Variants in CNTN5 observed in about 807,000 individuals in gnomAD.
CNTN5 encodes the protein contactin-5.
A neutral mutation model predicts 129.1 loss-of-function variants in CNTN5; 77 were observed. That is an observed-to-expected ratio of 0.60 (90% CI 0.50 to 0.72). CNTN5 has a LOEUF of 0.72. Among genes scored for constraint, CNTN5 ranks in the 30% least tolerant of loss-of-function variants. The probability of loss-of-function intolerance (pLI) is 0.00; values close to 1 mark genes in which losing one functional copy is unlikely to be tolerated. For missense variants in CNTN5, 1,478 were observed against 1,328.8 expected (o/e 1.11, Z -1.75); for synonymous variants, 509 against 465.6 (o/e 1.09, Z -1.20).
chr11:99,333,863 A>G (rs1866104888), intron 2 of CNTN5, among the ~76,000 whole-genome samples: 1 of 151,880 alleles, frequency 6.6e-6, no homozygotes, highest in South Asian at 2.1e-4. Flanking sequence ...TTGTCATATT[A>G]TTGTCCTCAT....
intron 9 of CNTN5, among the ~76,000 whole-genome samples, chr11:100,016,056 C>G: frequency 6.6e-6 from 1 of 152,050 alleles, no homozygotes. Flanking sequence ...AGAAAACTTT[C>G]TCTTATGTCT....
chr11:99,905,544 C>T (rs978741292), intron 6 of CNTN5, among the ~76,000 whole-genome samples: 3 of 152,080 alleles, frequency 2.0e-5, no homozygotes, highest in Non-Finnish European at 4.4e-5. Flanking sequence ...TTACTGTAGC[C>T]TTGTAGTATA....
chr11:99,447,056 G>A (rs887878690), intron 2 of CNTN5, among the ~76,000 whole-genome samples: 1 of 152,146 alleles, frequency 6.6e-6, no homozygotes, highest in Non-Finnish European at 1.5e-5. Context: ...TGTAACAAAG[G>A]GAGAAGACTT....
chr11:100,100,297 A>G (rs964233947), intron 13 of CNTN5, among the ~76,000 whole-genome samples: 4 of 152,118 alleles, frequency 2.6e-5, no homozygotes, highest in African/African-American at 9.7e-5. Flanking sequence ...CCAGAAAAAT[A>G]CCAAACACAT....
chr11:100,346,428 T>C (rs1240961052), intron 23 of CNTN5, among the ~76,000 whole-genome samples: 3 of 152,130 alleles, frequency 2.0e-5, no homozygotes, highest in East Asian at 1.9e-4. Context: ...CTCCACCTTA[T>C]TTTCTTCACA....
intron 8 of CNTN5, among the ~76,000 whole-genome samples, chr11:99,961,239 T>A (rs1044544534): frequency 6.9e-6 from 1 of 145,032 alleles, no homozygotes; most frequent in Admixed American, 6.9e-5. Flanking sequence ...TAGAATATAG[T>A]GTCAAGGAAG....
intron 3 of CNTN5, among the ~76,000 whole-genome samples, chr11:99,598,820 A>T (rs1256137375): frequency 5.9e-5 from 9 of 152,030 alleles, no homozygotes; most frequent in African/African-American, 1.7e-4. Flanking sequence ...GGAATAATTT[A>T]TATTTTAATA....
intron 1 of CNTN5, among the ~76,000 whole-genome samples, chr11:99,209,197 A>G (rs1859639617): frequency 6.6e-6 from 1 of 152,164 alleles, no homozygotes; most frequent in Non-Finnish European, 1.5e-5. Context: ...AACTATGTAC[A>G]TTGAAGAAAC....
At chr11:99,591,822 G>T (rs1480257231) in intron 3 of CNTN5, among the ~76,000 whole-genome samples, 1 of 152,110 alleles carries the variant, frequency 6.6e-6, no homozygotes, top group Non-Finnish European at 1.5e-5. Context: ...CCAAACATTT[G>T]CAGGAAAATG....
At chr11:100,195,862 TCCCTTCTG>T (rs1209089493) in intron 15 of CNTN5, among the ~76,000 whole-genome samples, 1 of 151,992 alleles carries the variant, frequency 6.6e-6, no homozygotes, top group Non-Finnish European at 1.5e-5. Context: ...ACATTCTGTT[TCCCTTCTG>T]CCCTTCTCAT....
intron 2 of CNTN5, among the ~76,000 whole-genome samples, chr11:99,435,901 T>A (rs1943580645): frequency 6.6e-6 from 1 of 152,202 alleles, no homozygotes; most frequent in Non-Finnish European, 1.5e-5. Flanking sequence ...CAAATTGTAG[T>A]TCTGGTCTGT....
chr11:99,290,572 T>C (rs191302527), intron 1 of CNTN5, among the ~76,000 whole-genome samples: 1 of 151,960 alleles, frequency 6.6e-6, no homozygotes, highest in East Asian at 1.9e-4. Context: ...ATTATTCCTT[T>C]GTTAGAGCTG....
chr11:99,368,495 T>C (rs895447156), intron 2 of CNTN5, among the ~76,000 whole-genome samples: 1 of 151,236 alleles, frequency 6.6e-6, no homozygotes, highest in African/African-American at 2.4e-5. Context: ...AAAAAAAAAA[T>C]TGAAAATATA....
intron 6 of CNTN5, among the ~76,000 whole-genome samples, chr11:99,911,245 T>C (rs1444339599): frequency 6.6e-6 from 1 of 152,070 alleles, no homozygotes; most frequent in African/African-American, 2.4e-5. Flanking sequence ...ACAGCACTTT[T>C]AGAGAATTAA....
At chr11:99,512,869 A>T (rs1174787243) in intron 2 of CNTN5, among the ~76,000 whole-genome samples, 2 of 152,120 alleles carry the variant, frequency 1.3e-5, no homozygotes, top group Non-Finnish European at 2.9e-5. Context: ...GCCAATGAAT[A>T]ACTGTACAAT....
At chr11:100,020,542 A>C (rs1941085233) in intron 9 of CNTN5, among the ~76,000 whole-genome samples, 1 of 152,054 alleles carries the variant, frequency 6.6e-6, no homozygotes, top group African/African-American at 2.4e-5. Flanking sequence ...ACTTTGTGGT[A>C]GATTCTGAGA....
At chr11:99,096,894 T>G (rs1565314078) in intron 1 of CNTN5, among the ~76,000 whole-genome samples, 2 of 151,884 alleles carry the variant, frequency 1.3e-5, no homozygotes, top group Non-Finnish European at 3.0e-5. Context: ...CAGATAATGA[T>G]TTCAAGACTC....
At chr11:99,861,302 A>G (rs948590319) in intron 6 of CNTN5, among the ~76,000 whole-genome samples, 4 of 152,128 alleles carry the variant, frequency 2.6e-5, no homozygotes, top group Non-Finnish European at 5.9e-5. Flanking sequence ...GCAGTGTTGC[A>G]TAGTTCTCCT....
intron 7 of CNTN5, among the ~76,000 whole-genome samples, chr11:99,954,206 T>A (rs1950743605): frequency 6.6e-6 from 1 of 151,936 alleles, no homozygotes; most frequent in African/African-American, 2.4e-5. Flanking sequence ...CTAAGTAGGG[T>A]TCATGCAAAA....
Sources: gnomAD v4.1 joint callset for allele counts (sites outside exome capture counted in the v4.1 genomes callset) on GRCh38, gnomAD v4.1.1 for gene constraint, MANE v1.5 for transcripts, NCBI Gene and HGNC (gene_info 2026-07-23, HGNC 2026-07-21) for gene names.